Variants in FRMPD3 observed in about 807,000 individuals in gnomAD.
The protein encoded by FRMPD3 is FERM and PDZ domain containing 3, also known as FERM and PDZ domain-containing protein 3.
A neutral mutation model predicts 97.9 loss-of-function variants in FRMPD3; 42 were observed. The ratio of observed to expected loss-of-function variants is 0.43; its 90% CI spans 0.34 to 0.55. The LOEUF is 0.55. Among genes scored for constraint, FRMPD3 ranks in the 20% least tolerant of loss-of-function variants. FRMPD3 has a pLI of 0.03. For synonymous variants in FRMPD3, 577 were observed against 581.1 expected, an observed-to-expected ratio of 0.99 and a Z score of 0.10; for missense variants, 1,303 against 1,457.7, an observed-to-expected ratio of 0.89 and a Z score of 1.73.
At chrX:107,524,866 G>A (rs1358569886) in intron 1 of FRMPD3, among the ~76,000 whole-genome samples, 1 of 109,131 alleles carries the variant, frequency 9.2e-6, no homozygotes, top group East Asian at 2.9e-4. Flanking sequence ...GGCAGCACAC[G>A]CCTGTAATCC....
rs775393982 is a variant in FRMPD3, at chrX:107,528,792, G to A, written c.149-1617G>A. ...TCTGGCTGTAAAGAGTGTTCTGTTA[G>A]CCACCACACTTTGCTCCTGAAGCCA... is the stretch of plus-strand genomic sequence containing the variant. On this transcript the variant is annotated intron_variant, in intron 2 of 14. Transcript: ENST00000683843. Among the ~76,000 whole-genome samples, 15 of 112,744 alleles carry A rather than the reference G, an allele frequency of 1.3e-4. 1 individual carries two copies. Among genetic ancestry groups the A allele is most frequent in the Admixed American group, 9.3e-4 (10 of 10,760 alleles).
At chrX:107,489,607 A>G (rs1272210161) in intron 1 of FRMPD3, among the ~76,000 whole-genome samples, 1 of 111,607 alleles carries the variant, frequency 9.0e-6, no homozygotes, top group Admixed American at 9.5e-5. Context: ...CATTTTTTTC[A>G]TGTGTTTTTT....
At chrX:107,515,439 G>A (rs1391432424) in intron 1 of FRMPD3, among the ~76,000 whole-genome samples, 1 of 111,408 alleles carries the variant, frequency 9.0e-6, no homozygotes, top group Non-Finnish European at 1.9e-5. Context: ...GATGACCATG[G>A]AGGCCAATGC....
chrX:107,575,719 G>A (rs748909383), intron 12 of FRMPD3, among the ~76,000 whole-genome samples: 138 of 112,462 alleles, frequency 1.2e-3, no homozygotes, highest in African/African-American at 4.3e-3. Context: ...CCAAAGTGCT[G>A]GGATTACAGG....
At chrX:107,568,896 C>G (rs151021664) in intron 12 of FRMPD3, among the ~76,000 whole-genome samples, 1,260 of 104,946 alleles carry the variant, frequency 0.012, 31 homozygotes, top group African/African-American at 0.044. Context: ...CTGTTCTCCA[C>G]AAAAATGAAA....
At chrX:107,589,943 G>T (rs1923826937) in intron 13 of FRMPD3, among the ~76,000 whole-genome samples, 2 of 111,922 alleles carry the variant, frequency 1.8e-5, no homozygotes, top group Admixed American at 1.9e-4. Flanking sequence ...TTGAGGTCAG[G>T]AGTTCAAGAC....
intron 1 of FRMPD3, among the ~76,000 whole-genome samples, chrX:107,502,828 TCTGGAAGGC>T (rs1386025994): frequency 2.7e-5 from 3 of 112,751 alleles, no homozygotes; most frequent in Non-Finnish European, 5.6e-5. Context: ...GAAGCAGTGT[TCTGGAAGGC>T]CCCTATGGGG....
rs1008910744 is a variant in FRMPD3, at chrX:107,566,707, G to A, written c.1296+1641G>A. On this transcript the variant is annotated intron_variant, in intron 12 of 14. Transcript: ENST00000683843. ...ACTCTCAGAGATTATGATTTCTTTGGTCATGGGTGAAACCCAGGCATCAGG... is the reference window on the plus strand; with the variant it reads ...ACTCTCAGAGATTATGATTTCTTTGATCATGGGTGAAACCCAGGCATCAGG... 2.7e-5 allele frequency among the ~76,000 whole-genome samples: 3 copies of A among 113,071 alleles called. No individual in the cohort carries two copies. In the Admixed American group the frequency reaches 2.8e-4, roughly 11 times the overall value.
chrX:107,597,294 A>G (rs1408295223), intron 13 of FRMPD3, 27 bp from the exon 14 acceptor site: 1 of 1,149,121 alleles, frequency 8.7e-7, no homozygotes, highest in Non-Finnish European at 1.2e-6. Context: ...ACCAGGGCTC[A>G]TCTGTTGATT....
At chrX:107,571,316 C>A (rs777565005) in intron 12 of FRMPD3, among the ~76,000 whole-genome samples, 9 of 112,365 alleles carry the variant, frequency 8.0e-5, no homozygotes, top group Admixed American at 2.8e-4. Flanking sequence ...CCTGTCCAAC[C>A]TTTTTGTTTG....
chrX:107,600,556 C>T lies in FRMPD3; in HGVS notation c.2517C>T (p.Asn839=). ...APYSLGRPDP[N]PSLQPIATGQ... ...ACTCTCTTGGGCGCCCGGATCCCAA[C>T]CCATCTCTCCAACCCATTGCCACAG... Residue 839 remains asparagine, a synonymous_variant, in exon 15 of 15, where the codon AAC becomes AAT. Coordinates refer to ENST00000683843, the MANE Select transcript of FRMPD3 (RefSeq NM_001388459.1). 2 of 1,211,006 alleles carry T rather than the reference C, an allele frequency of 1.7e-6. No homozygotes were observed. Among genetic ancestry groups the T allele is most frequent in the Admixed American group, 4.3e-5 (2 of 46,102 alleles).
intron 12 of FRMPD3, among the ~76,000 whole-genome samples, chrX:107,567,255 G>C (rs893258029): frequency 9.0e-6 from 1 of 111,477 alleles, no homozygotes; most frequent in Non-Finnish European, 1.9e-5. Context: ...CAAAGTGCTG[G>C]GATTACAGGC....
chrX:107,580,116 T>A (rs2147621919), intron 13 of FRMPD3, among the ~76,000 whole-genome samples: 1 of 111,816 alleles, frequency 8.9e-6, no homozygotes, highest in Non-Finnish European at 1.9e-5. Context: ...GACCGTATGT[T>A]TATATATATA....
chrX:107,528,532 T>C (rs900816023), intron 2 of FRMPD3, among the ~76,000 whole-genome samples: 4 of 112,241 alleles, frequency 3.6e-5, no homozygotes, highest in African/African-American at 1.3e-4. Context: ...GTTGAAGGAA[T>C]TGTCCCTTGG....
Position 107,557,797 on chromosome X carries a change from CTATATATATATATATATATATATATATA to C in FRMPD3, c.763-2443_763-2416del, listed in dbSNP as rs59276897. On this transcript the variant is annotated intron_variant, in intron 8 of 14. Coordinates refer to ENST00000683843, the MANE Select transcript of FRMPD3 (RefSeq NM_001388459.1). ...TGTACTTTTGTTAAAAATCTGTTGT[CTATATATATATATATATATATATATATA>C]TATATATATATATATAGATCTATTC... 1.7e-3 allele frequency among the ~76,000 whole-genome samples: 51 copies of C among 30,028 alleles called. 1 individual carries two copies. The highest frequency in any genetic ancestry group is 1.9e-3 in the Non-Finnish European group (27 of 14,487). The allele number at this position is 30,028 out of a possible 115,157, so 26.1% of individuals were successfully genotyped here. A position where few individuals can be genotyped will look rare whatever the true frequency, so the allele number is the denominator to read the frequency against.
At position 107,490,673 on chromosome X, in the gene FRMPD3, A is replaced by T. The variant is rs191180991; in HGVS notation, c.-7-35909A>T. ...TGGTGTATAAGAATGCTTGTGCTGAATCAAGAACTTCTGTACACTGGAAAG... is the reference window on the plus strand; with the variant it reads ...TGGTGTATAAGAATGCTTGTGCTGATTCAAGAACTTCTGTACACTGGAAAG... On this transcript the variant is annotated intron_variant, in intron 1 of 14. Coordinates refer to ENST00000683843, the MANE Select transcript of FRMPD3 (RefSeq NM_001388459.1). 6.5e-3 allele frequency among the ~76,000 whole-genome samples: 730 copies of T among 111,948 alleles called. 6 individuals are homozygous for T. Among genetic ancestry groups the T allele is most frequent in the South Asian group, 0.039 (103 of 2,655 alleles).
intron 1 of FRMPD3, among the ~76,000 whole-genome samples, chrX:107,470,876 C>G (rs1231219359): frequency 4.5e-5 from 5 of 112,172 alleles, no homozygotes; most frequent in African/African-American, 1.6e-4. Context: ...AAGAGAGGAA[C>G]CAAAGGGTGG....
intron 1 of FRMPD3, among the ~76,000 whole-genome samples, chrX:107,502,113 A>G (rs745980575): frequency 7.2e-5 from 8 of 110,576 alleles, no homozygotes; most frequent in Non-Finnish European, 1.3e-4. Context: ...GCAGCTCACA[A>G]ATGAGAGCAA....
chrX:107,543,380 A>G (rs1317201538), intron 4 of FRMPD3, among the ~76,000 whole-genome samples: 1 of 110,177 alleles, frequency 9.1e-6, no homozygotes, highest in East Asian at 2.9e-4. Context: ...ATACACCTCA[A>G]TTCACTTCAG....
Sources: gnomAD v4.1 joint callset for allele counts (sites outside exome capture counted in the v4.1 genomes callset) on GRCh38, gnomAD v4.1.1 for gene constraint, MANE v1.5 for transcripts, NCBI Gene and HGNC (gene_info 2026-07-23, HGNC 2026-07-21) for gene names.